The following MYT1L variants were observed in gnomAD, a reference collection of about 807,000 sequenced individuals.
MYT1L encodes the protein myelin transcription factor 1-like protein.
A neutral mutation model predicts 126.7 loss-of-function variants in MYT1L; 12 were observed. The observed-to-expected ratio is 0.09, with a 90% confidence interval of 0.06 to 0.15. The LOEUF is 0.15. Ranked by LOEUF, MYT1L falls within the 10% of genes least tolerant of loss-of-function variation. The pLI, the probability that MYT1L is intolerant of heterozygous loss-of-function variation, is 1.00. For missense variants in MYT1L, 979 were observed against 1,585.2 expected, an observed-to-expected ratio of 0.62 and a Z score of 6.49; for synonymous variants, 541 against 604.2, an observed-to-expected ratio of 0.90 and a Z score of 1.53.
intron 2 of MYT1L, among the ~76,000 whole-genome samples, chr2:2,217,960 C>T (rs1572559358): frequency 1.3e-5 from 2 of 152,124 alleles, no homozygotes; most frequent in East Asian, 1.9e-4. Flanking sequence ...GAAATAAACA[C>T]ATGAAAAGAT....
At chr2:2,080,546 C>G (rs988893142) in intron 3 of MYT1L, among the ~76,000 whole-genome samples, 2 of 152,100 alleles carry the variant, frequency 1.3e-5, no homozygotes, top group Admixed American at 1.3e-4. Flanking sequence ...AGAAAATCTA[C>G]AAATGGACAA....
intron 18 of MYT1L, among the ~76,000 whole-genome samples, chr2:1,865,899 T>C (rs1378186923): frequency 2.0e-5 from 3 of 152,238 alleles, no homozygotes; most frequent in African/African-American, 4.8e-5. Flanking sequence ...AAGAGGCTAC[T>C]GCTGCCAACC....
chr2:2,133,077 TTGGGGGG>T (rs925225681), intron 3 of MYT1L, among the ~76,000 whole-genome samples: 2 of 152,066 alleles, frequency 1.3e-5, no homozygotes, highest in Admixed American at 1.3e-4. Context: ...ACCGTCTTCT[TTGGGGGG>T]GACGAAGACA....
intron 2 of MYT1L, among the ~76,000 whole-genome samples, chr2:2,207,151 A>G (rs1199663817): frequency 6.6e-6 from 1 of 152,178 alleles, no homozygotes; most frequent in African/African-American, 2.4e-5. Context: ...CAAGAACCCA[A>G]CCTTCTCTTT....
At chr2:2,126,834 C>A (rs1249206384) in intron 3 of MYT1L, among the ~76,000 whole-genome samples, 2 of 152,242 alleles carry the variant, frequency 1.3e-5, no homozygotes, top group Admixed American at 6.5e-5. Flanking sequence ...CAGATGAACA[C>A]TAATTTTTGA....
At position 2,091,248 on chromosome 2, in the gene MYT1L, C is replaced by T. The variant is rs570014062; in HGVS notation, c.-303-37125G>A. On this transcript the variant is annotated intron_variant, in intron 3 of 24. Coordinates refer to ENST00000647738, the MANE Select transcript of MYT1L (RefSeq NM_001303052.2). ...TTGACAATTGAAATTACTCCTGATC[C>T]ATGGTCTGTAGAATGGATGTTGTGT... Among the ~76,000 whole-genome samples the T allele has an allele frequency of 1.9e-4, 29 of 152,294 alleles. No homozygotes were observed. The South Asian group carries it at 5.6e-3, about 29-fold the overall frequency.
At chr2:2,076,481 C>G (rs2075238941) in intron 3 of MYT1L, among the ~76,000 whole-genome samples, 1 of 152,100 alleles carries the variant, frequency 6.6e-6, no homozygotes, top group East Asian at 1.9e-4. Context: ...AGGCATAATA[C>G]CTACAAAGCC....
chr2:2,183,175 A>T lies in MYT1L; in HGVS notation c.-420-10187T>A, dbSNP rs139927838. Reference sequence around the variant, plus strand: ...TAAGTCCTGGGGGAGCCTGAATTGTATCCCTCAGGACCCAGCGAACCTCCT... The same window carrying T: ...TAAGTCCTGGGGGAGCCTGAATTGTTTCCCTCAGGACCCAGCGAACCTCCT... On this transcript the variant is annotated intron_variant, in intron 2 of 24. Coordinates refer to ENST00000647738, the MANE Select transcript of MYT1L (RefSeq NM_001303052.2). Among the ~76,000 whole-genome samples, 41 of 152,284 alleles carry T rather than the reference A, an allele frequency of 2.7e-4. No individual in the cohort carries two copies. The East Asian group carries it at 7.3e-3, about 27-fold the overall frequency.
intron 3 of MYT1L, among the ~76,000 whole-genome samples, chr2:2,140,656 G>A (rs887924626): frequency 6.6e-6 from 1 of 151,888 alleles, no homozygotes; most frequent in South Asian, 2.1e-4. Flanking sequence ...GGATGGTCTT[G>A]ATCTCCTGAC....
intron 21 of MYT1L, among the ~76,000 whole-genome samples, chr2:1,815,946 C>T (rs1045973700): frequency 3.9e-5 from 6 of 152,148 alleles, no homozygotes; most frequent in Non-Finnish European, 5.9e-5. Context: ...TGCATCAGCA[C>T]GCTTCATCAC....
At position 1,979,858 on chromosome 2, in the gene MYT1L, C is replaced by A. The variant is rs1397761829; in HGVS notation, c.1-81G>T. The A allele has an allele frequency of 6.4e-6, 9 of 1,411,260 alleles. No homozygotes were observed. The East Asian group carries it at 2.1e-4, about 32-fold the overall frequency. The allele number at this position is 1,411,260 out of a possible 1,614,324, so 87.4% of individuals were successfully genotyped here. ...TGCAGGGGCGGCTCACTCTCCCTGG[C>A]ATTCTATTAATGGGGCTTTAATCCT... On this transcript the variant is annotated intron_variant, in intron 5 of 24. Coordinates refer to ENST00000647738, the MANE Select transcript of MYT1L (RefSeq NM_001303052.2). This position sits in a 1 kb window ranked among gnomAD's most constrained non-coding sequence, Gnocchi z 4.0.
chr2:2,150,079 T>C (rs1287166883), intron 3 of MYT1L, among the ~76,000 whole-genome samples: 3 of 152,126 alleles, frequency 2.0e-5, no homozygotes, highest in Non-Finnish European at 4.4e-5. Flanking sequence ...CCACCTCCCT[T>C]TACACCGGTG....
chr2:2,116,752 T>A (rs2080260162), intron 3 of MYT1L, among the ~76,000 whole-genome samples: 1 of 152,212 alleles, frequency 6.6e-6, no homozygotes, highest in African/African-American at 2.4e-5. Flanking sequence ...ATTGACCACC[T>A]TAGGACCACC....
At chr2:1,974,380 G>A (rs1377286577) in intron 8 of MYT1L, 2 of 152,156 alleles carry the variant, frequency 1.3e-5, no homozygotes, top group African/African-American at 2.4e-5. Context: ...AAGACCACAT[G>A]AGCACGTTCA....
At chr2:2,085,946 T>C (rs1391647418) in intron 3 of MYT1L, among the ~76,000 whole-genome samples, 3 of 152,220 alleles carry the variant, frequency 2.0e-5, no homozygotes, top group Non-Finnish European at 2.9e-5. Context: ...ATAGGTGGGC[T>C]TGACCCAGGG....
intron 4 of MYT1L, among the ~76,000 whole-genome samples, chr2:2,015,306 G>A (rs748326007): frequency 1.3e-5 from 2 of 152,198 alleles, no homozygotes; most frequent in African/African-American, 4.8e-5. Flanking sequence ...CAGCATGCAG[G>A]ATGTTCACCA....
rs1420229147 is a variant in MYT1L at position 2,286,727 on chromosome 2, G to A, written c.-520-2224C>T. Among the ~76,000 whole-genome samples the A allele has an allele frequency of 3.9e-5, 6 of 152,260 alleles. No homozygotes were observed. In the East Asian group the frequency reaches 1.2e-3, roughly 30 times the overall value. Reference sequence around the variant, plus strand: ...GGAGAGATCATCTGTGGTCAAGGGTGCCAGCAACACATCTACCTAAAGCAC... The same window carrying A: ...GGAGAGATCATCTGTGGTCAAGGGTACCAGCAACACATCTACCTAAAGCAC... On this transcript the variant is annotated intron_variant, in intron 1 of 24. Transcript: ENST00000647738.
At chr2:2,107,069 G>T (rs527502435) in intron 3 of MYT1L, among the ~76,000 whole-genome samples, 1 of 152,176 alleles carries the variant, frequency 6.6e-6, no homozygotes, top group Non-Finnish European at 1.5e-5. Flanking sequence ...GCTGTTGCAC[G>T]AGTATGTCAT....
intron 2 of MYT1L, among the ~76,000 whole-genome samples, chr2:2,260,657 ATT>A (rs112698274): frequency 3.3e-5 from 5 of 149,462 alleles, no homozygotes; most frequent in African/African-American, 4.9e-5. Context: ...CTGGTGAATT[ATT>A]TTTTTTTTGT....
Sources: gnomAD v4.1 joint callset for allele counts (sites outside exome capture counted in the v4.1 genomes callset) on GRCh38, gnomAD v4.1.1 for gene constraint, Gnocchi (gnomAD v3.1) non-coding constraint, MANE v1.5 for transcripts, NCBI Gene and HGNC (gene_info 2026-07-23, HGNC 2026-07-21) for gene names.